SPNS1: variants seen among roughly 807,000 people sequenced by gnomAD.
SPNS1 encodes SPNS lysolipid transporter 1, lysophospholipid.
Under a neutral mutation model 50.3 loss-of-function variants are expected in SPNS1, and 22 were observed. The observed-to-expected ratio is 0.44, with a 90% CI of 0.31 to 0.62. The LOEUF is 0.62. Ranked by LOEUF, SPNS1 falls within the 20% of genes least tolerant of loss-of-function variation. The probability of loss-of-function intolerance (pLI) is 0.07; values close to 1 mark genes in which losing one functional copy is unlikely to be tolerated. For missense variants in SPNS1, 576 were observed against 728.6 expected (o/e 0.79, Z 2.41); for synonymous variants, 295 against 317.4 (o/e 0.93, Z 0.75).
chr16:28,982,945 G>A, intron 9 of SPNS1, 23 bp downstream of exon 9: 4 of 1,613,470 alleles, frequency 2.5e-6, no homozygotes, highest in Non-Finnish European at 3.4e-6. Flanking sequence ...GCAGCTCCAG[G>A]GTCAGCGCAG....
chr16:28,979,302 G>A lies in SPNS1; in HGVS notation c.592G>A (p.Gly198Ser). The A allele has an allele frequency of 6.2e-7, 1 of 1,614,164 alleles. No individual in the cohort carries two copies. The highest frequency in any genetic ancestry group is 8.5e-7 in the Non-Finnish European group (1 of 1,180,024). ...LSIFYFAIPV[G>S]SGLGYIAGSK... ...CATCTTCTACTTTGCCATTCCGGTG[G>A]GCAGGTGAGTGGGCCTGGGGCCTGG... Residue 198 changes from glycine to serine, a missense_variant, in exon 4 of 12, where the codon GGC becomes AGC. Physicochemically the swap from Gly to Ser is moderately conservative, Grantham distance 56. Around this residue, in one of 3 missense-constraint regions of SPNS1, gnomAD observed 428 missense variants for 520.1 expected, o/e 0.82. Coordinates refer to ENST00000311008, the MANE Select transcript of SPNS1 (RefSeq NM_032038.3).
chr16:28,984,239 G>A lies in SPNS1; in HGVS notation c.1527G>A (p.Arg509=). The change falls in exon 12 of 12, where the codon CGG becomes CGA. Residue 509 remains arginine (R), a synonymous_variant. Coordinates refer to ENST00000311008, the MANE Select transcript of SPNS1 (RefSeq NM_032038.3). ...ACGAAGCAGGGTCCACAGACGACCG[G>A]ATTGTGGTGCCCCAGCGGGGCCGCT... ...LLHEAGSTDD[R]IVVPQRGRST... is the part of the protein sequence containing the mutation. 6.2e-7 allele frequency: 1 copy of A among 1,607,652 alleles called. No homozygotes were observed. Among genetic ancestry groups the A allele is most frequent in the African/African-American group, 1.3e-5 (1 of 74,988 alleles).
Position 28,983,356 on chromosome 16 carries a change from C to A in SPNS1, c.1320+66C>A. On this transcript the variant is annotated intron_variant, in intron 10 of 11. Coordinates refer to ENST00000311008, the MANE Select transcript of SPNS1 (RefSeq NM_032038.3). This position sits in a 1 kb window ranked among gnomAD's most constrained non-coding sequence, Gnocchi z 5.4. Reference sequence around the variant, plus strand: ...CTGAGCCTGGGCTGGATCAGAAGGCCTGGCCCTAGTGAAGTGTCTGTGTCC... The same window carrying A: ...CTGAGCCTGGGCTGGATCAGAAGGCATGGCCCTAGTGAAGTGTCTGTGTCC... 1 of 1,315,206 alleles carries A rather than the reference C, an allele frequency of 7.6e-7. No individual in the cohort carries two copies. Among genetic ancestry groups the A allele is most frequent in the South Asian group, 1.2e-5 (1 of 84,680 alleles). 81.5% of individuals were successfully genotyped at this position (1,315,206 alleles called of 1,614,324 possible).
chr16:28,984,357 G>T lies in SPNS1; in HGVS notation c.*58G>T. On this transcript the variant is annotated 3_prime_UTR_variant, in exon 12 of 12. Coordinates refer to ENST00000311008, the MANE Select transcript of SPNS1 (RefSeq NM_032038.3). ...ACAGCTGGCCCTGGGCCCACCCCAC[G>T]AAGGGCCTGGGCCTAACCCCTTGGC... 1.9e-6 allele frequency: 3 copies of T among 1,543,002 alleles called. No individual in the cohort carries two copies. Among genetic ancestry groups the T allele is most frequent in the Non-Finnish European group, 2.7e-6 (3 of 1,131,516 alleles).
At position 28,983,957 on chromosome 16, in the gene SPNS1, G is replaced by A. The variant is rs1567528348; in HGVS notation, c.1492G>A (p.Gly498Ser). 1.3e-6 allele frequency: 2 copies of A among 1,576,724 alleles called. No homozygotes were observed. Among genetic ancestry groups the A allele is most frequent in the Non-Finnish European group, 8.6e-7 (1 of 1,167,018 alleles). ...CCGGCGGGCACAGCTGCACGTGCAG[G>A]GTCAGTTAGGAGCTGTGCCCGGCCC... Reference protein sequence around the residue: ...DRRRAQLHVQGLLHEAGSTDD... With the variant: ...DRRRAQLHVQSLLHEAGSTDD... Residue 498 changes from glycine (G) to serine (S), a missense_variant and splice_region_variant, in exon 11 of 12, where the codon GGC becomes AGC. Physicochemically the swap from Gly to Ser is moderately conservative, Grantham distance 56. Around this residue, in one of 3 missense-constraint regions of SPNS1, gnomAD observed 428 missense variants for 520.1 expected, o/e 0.82. Transcript: ENST00000311008. The surrounding 1 kb of genome is among the most constrained non-coding windows in gnomAD (Gnocchi z 5.4).
rs762937546 is a variant in SPNS1 at position 28,983,282 on chromosome 16, A to C, written c.1312A>C (p.Ile438Leu). 25 of 1,613,646 alleles carry C rather than the reference A, an allele frequency of 1.5e-5. No homozygotes were observed. Among genetic ancestry groups the C allele is most frequent in the Non-Finnish European group, 1.9e-5 (23 of 1,179,674 alleles). The change falls in exon 10 of 12, where the codon ATT becomes CTT. Residue 438 changes from isoleucine (I) to leucine (L), a missense_variant. By Grantham distance (5) the Ile-to-Leu change is conservative. Coordinates refer to ENST00000311008, the MANE Select transcript of SPNS1 (RefSeq NM_032038.3). The surrounding 1 kb of genome is among the most constrained non-coding windows in gnomAD (Gnocchi z 5.4). ...LLGDAGSPYL[I>L]GLISDRLRRN... ...GGGTGATGCTGGGAGCCCCTACCTC[A>C]TTGGCCTGGTGAGCATTATTTCTTG...
Position 28,981,508 on chromosome 16 carries a change from G to C in SPNS1, c.702G>C (p.Leu234=). ...PGLGVVAVLL[L]FLVVREPPRG... ...TAGGAGTGGTGGCCGTTCTGCTGCT[G>C]TTCCTGGTAGTGCGGGAGCCGCCAA... The change falls in exon 6 of 12, where the codon CTG becomes CTC. Residue 234 remains leucine, a synonymous_variant. Coordinates refer to ENST00000311008, the MANE Select transcript of SPNS1 (RefSeq NM_032038.3). This position sits in a 1 kb window ranked among gnomAD's most constrained non-coding sequence, Gnocchi z 4.2. The C allele has an allele frequency of 6.2e-7, 1 of 1,614,152 alleles. No individual in the cohort carries two copies. The highest frequency in any genetic ancestry group is 1.6e-4 in the Middle Eastern group (1 of 6,062).
Position 28,983,115 on chromosome 16 carries a change from TTGG to T in SPNS1, c.1222-72_1222-70del. The T allele has an allele frequency of 7.5e-7, 1 of 1,333,270 alleles. No homozygotes were observed. The highest frequency in any genetic ancestry group is 1.4e-5 in the African/African-American group (1 of 69,288). The allele number at this position is 1,333,270 out of a possible 1,614,324, so 82.6% of individuals were successfully genotyped here. A position where few individuals can be genotyped will look rare whatever the true frequency, so the allele number is the denominator to read the frequency against. Reference sequence around the variant, plus strand: ...CTCTGACCCCGGCCTAGGCGGATCCTTGGTGGTCTCCTGGCCCCCTGCCTCCTG... The same window carrying T: ...CTCTGACCCCGGCCTAGGCGGATCCTTGGTCTCCTGGCCCCCTGCCTCCTG... On this transcript the variant is annotated intron_variant, in intron 9 of 11. Transcript: ENST00000311008. This position sits in a 1 kb window ranked among gnomAD's most constrained non-coding sequence, Gnocchi z 5.4.
In SPNS1 at chr16:28,984,376, C is replaced by T. The variant is rs1409240251; in HGVS notation, c.*77C>T. On this transcript the variant is annotated 3_prime_UTR_variant, in exon 12 of 12. Transcript: ENST00000311008. ...CCCCACGAAGGGCCTGGGCCTAACC[C>T]CTTGGCCTGGCCCAGCTTCCAGAGG... 6.9e-7 allele frequency: 1 copy of T among 1,442,268 alleles called. No individual in the cohort carries two copies. Among genetic ancestry groups the T allele is most frequent in the Non-Finnish European group, 9.5e-7 (1 of 1,049,134 alleles). The allele number at this position is 1,442,268 out of a possible 1,614,324, so 89.3% of individuals were successfully genotyped here.
At chr16:28,976,957 T>C (rs915769858) in intron 2 of SPNS1, among the ~76,000 whole-genome samples, 1 of 152,200 alleles carries the variant, frequency 6.6e-6, no homozygotes, top group African/African-American at 2.4e-5. Context: ...ACGCTATGCA[T>C]GAGGCAGCAA....
In SPNS1 at chr16:28,981,036, C is replaced by T. The variant is rs1219864003; in HGVS notation, c.664-434C>T. On this transcript the variant is annotated intron_variant, in intron 5 of 11. Transcript: ENST00000311008. The surrounding 1 kb of genome is among the most constrained non-coding windows in gnomAD (Gnocchi z 4.2). ...AACATCATTCTTAAGGACGTGAGAACTCCAGATGATTACCTTTCCATTTAG... is the reference window on the plus strand; with the variant it reads ...AACATCATTCTTAAGGACGTGAGAATTCCAGATGATTACCTTTCCATTTAG... 2.6e-5 allele frequency among the ~76,000 whole-genome samples: 4 copies of T among 152,200 alleles called. No homozygotes were observed. The highest frequency in any genetic ancestry group is 9.7e-5 in the African/African-American group (4 of 41,448).
intron 1 of SPNS1, 35 bp downstream of exon 1, chr16:28,975,427 G>A (rs1965308676): frequency 6.2e-7 from 1 of 1,614,230 alleles, no homozygotes; most frequent in Non-Finnish European, 8.5e-7. Flanking sequence ...GATAGTCTAG[G>A]AGAGGGGAGC....
At chr16:28,978,255 C>T (rs1035591210) in intron 3 of SPNS1, among the ~76,000 whole-genome samples, 1 of 152,056 alleles carries the variant, frequency 6.6e-6, no homozygotes, top group African/African-American at 2.4e-5. Context: ...ATCCCCTCTT[C>T]CCCTGACCAC....
chr16:28,979,956 G>T, intron 5 of SPNS1: 1 of 165,118 alleles, frequency 6.1e-6, no homozygotes, highest in South Asian at 1.4e-4. Flanking sequence ...CCAGGAGGCG[G>T]AGGTTGCAGC....
intron 11 of SPNS1, 98 bp downstream of exon 11, chr16:28,984,055 C>T (rs188613201): frequency 1.4e-6 from 2 of 1,463,742 alleles, no homozygotes; most frequent in East Asian, 4.7e-5. Flanking sequence ...CAGTCCACAG[C>T]CCTCCCCTTG....
Position 28,983,902 on chromosome 16 carries a change from G to A in SPNS1, c.1437G>A (p.Leu479=). 1.9e-6 allele frequency: 3 copies of A among 1,600,188 alleles called. No homozygotes were observed. Among genetic ancestry groups the A allele is most frequent in the Non-Finnish European group, 8.5e-7 (1 of 1,178,676 alleles). Residue 479 remains leucine, a synonymous_variant, in exon 11 of 12, where the codon CTG becomes CTA. Coordinates refer to ENST00000311008, the MANE Select transcript of SPNS1 (RefSeq NM_032038.3). The surrounding 1 kb of genome is among the most constrained non-coding windows in gnomAD (Gnocchi z 5.4). The part of the protein sequence containing the change: ...FVGALGGAAF[L]GTAIFIEADR... ...GGGCACTGGGCGGCGCAGCCTTCCTGGGCACCGCCATCTTCATTGAGGCCG... is the reference window on the plus strand; with the variant it reads ...GGGCACTGGGCGGCGCAGCCTTCCTAGGCACCGCCATCTTCATTGAGGCCG...
chr16:28,982,178 A>C (rs538306953), intron 7 of SPNS1, 122 bp downstream of exon 7: 2 of 1,402,152 alleles, frequency 1.4e-6, no homozygotes, highest in African/African-American at 2.9e-5. Context: ...GCTCTCCTGG[A>C]ATCTCCGTTT....
Position 28,982,510 on chromosome 16 carries a change from C to T in SPNS1, c.1120C>T (p.Leu374Phe). 1 of 1,612,410 alleles carries T rather than the reference C, an allele frequency of 6.2e-7. No individual in the cohort carries two copies. The highest frequency in any genetic ancestry group is 8.5e-7 in the Non-Finnish European group (1 of 1,179,204). ...LGSAPFLFLS[L>F]ACARGSIVAT... ...CTCTGCACCCTTCCTCTTCCTGTCCCTTGCCTGCGCCCGTGGTAGCATCGT... is the reference window on the plus strand; with the variant it reads ...CTCTGCACCCTTCCTCTTCCTGTCCTTTGCCTGCGCCCGTGGTAGCATCGT... Residue 374 changes from leucine to phenylalanine, a missense_variant, in exon 8 of 12, where the codon CTT becomes TTT. Around this residue, in one of 3 missense-constraint regions of SPNS1, gnomAD observed 428 missense variants for 520.1 expected, o/e 0.82. Transcript: ENST00000311008.
chr16:28,976,345 T>G (rs1176740130), intron 2 of SPNS1, among the ~76,000 whole-genome samples: 1 of 152,140 alleles, frequency 6.6e-6, no homozygotes, highest in Non-Finnish European at 1.5e-5. Flanking sequence ...TGTTCACAAC[T>G]TTGGGACTTG....
Sources: allele counts gnomAD v4.1 joint callset (sites outside exome capture counted in the v4.1 genomes callset), GRCh38; gene constraint gnomAD v4.1.1; regional missense constraint gnomAD v4.1.1; non-coding constraint Gnocchi (gnomAD v3.1); transcripts MANE v1.5; gene names NCBI Gene and HGNC (gene_info 2026-07-23, HGNC 2026-07-21).